Variants in RUNX1 observed in about 807,000 individuals in gnomAD.
RUNX1 encodes RUNX family transcription factor 1.
Under a neutral mutation model 42.8 loss-of-function variants are expected in RUNX1, and 19 were observed. The observed-to-expected ratio is 0.44, with a 90% confidence interval of 0.31 to 0.65. The LOEUF is 0.65. RUNX1 is among the 30% of genes least tolerant of loss of function. The pLI is 0.07. For missense variants in RUNX1, 528 were observed against 672.0 expected, an observed-to-expected ratio of 0.79 and a Z score of 2.37; for synonymous variants, 271 against 289.4, an observed-to-expected ratio of 0.94 and a Z score of 0.64.
At chr21:34,978,187 C>T (rs1253360591) in intron 2 of RUNX1, among the ~76,000 whole-genome samples, 3 of 152,202 alleles carry the variant, frequency 2.0e-5, no homozygotes, top group Non-Finnish European at 2.9e-5. Context: ...ATCCGCCCGC[C>T]TCGGCCTCCC....
intron 2 of RUNX1, among the ~76,000 whole-genome samples, 179 bp downstream of exon 2, chr21:35,048,663 C>T (rs971749452): frequency 6.6e-6 from 1 of 152,236 alleles, no homozygotes; most frequent in Non-Finnish European, 1.5e-5. Flanking sequence ...GAGCTTCCAT[C>T]TGATTAGTAA....
At chr21:34,916,405 A>G (rs903281003) in intron 2 of RUNX1, among the ~76,000 whole-genome samples, 1 of 152,218 alleles carries the variant, frequency 6.6e-6, no homozygotes, top group African/African-American at 2.4e-5. Flanking sequence ...GTAACATTTG[A>G]TGAAGGCATG....
At chr21:34,889,582 C>T (rs985332706) in intron 3 of RUNX1, 2 of 842,258 alleles carry the variant, frequency 2.4e-6, no homozygotes, top group South Asian at 3.4e-5. Flanking sequence ...GGACAGCCTG[C>T]CCGGGCCCCG....
intron 2 of RUNX1, among the ~76,000 whole-genome samples, chr21:35,005,009 C>T (rs2059073657): frequency 6.6e-6 from 1 of 152,204 alleles, no homozygotes; most frequent in Non-Finnish European, 1.5e-5. Context: ...TTAAGACTAA[C>T]CACCTCTGCT....
At chr21:35,047,157 G>A (rs2059401832) in intron 2 of RUNX1, among the ~76,000 whole-genome samples, 1 of 152,156 alleles carries the variant, frequency 6.6e-6, no homozygotes, top group South Asian at 2.1e-4. Flanking sequence ...GCCTTCCTGA[G>A]TTGATAAAAT....
At chr21:34,945,963 C>G (rs151328566) in intron 2 of RUNX1, among the ~76,000 whole-genome samples, 29 of 152,314 alleles carry the variant, frequency 1.9e-4, no homozygotes, top group African/African-American at 6.7e-4. Flanking sequence ...CTGCTTCTCA[C>G]CAAGGATCTT....
chr21:34,841,139 C>T (rs1447729919), intron 6 of RUNX1, among the ~76,000 whole-genome samples: 2 of 152,156 alleles, frequency 1.3e-5, no homozygotes, highest in African/African-American at 4.8e-5. Context: ...CCTTTTCCAT[C>T]AGTGGCAGTA....
At chr21:35,041,931 T>A (rs2059362791) in intron 2 of RUNX1, among the ~76,000 whole-genome samples, 1 of 152,190 alleles carries the variant, frequency 6.6e-6, no homozygotes, top group Admixed American at 6.5e-5. Context: ...AAAAGAATTC[T>A]CTTAAAAATT....
chr21:35,043,018 G>A (rs1037178034), intron 2 of RUNX1, among the ~76,000 whole-genome samples: 13 of 152,154 alleles, frequency 8.5e-5, no homozygotes, highest in African/African-American at 2.9e-4. Context: ...AGTATAACAC[G>A]TGTCTCCCCA....
At position 34,792,342 on chromosome 21, in the gene RUNX1, G is replaced by A. The variant is rs1298273572; in HGVS notation, c.1236C>T (p.Gly412=). 32 of 1,555,328 alleles carry A rather than the reference G, an allele frequency of 2.1e-5. No individual in the cohort carries two copies. Among genetic ancestry groups the A allele is most frequent in the Non-Finnish European group, 2.6e-5 (30 of 1,149,986 alleles). ...CGCCCACCATGGAGAACTGGTAGGA[G>A]CCGGCCGAGGCGCCGTAGTACAGGT... ...SYHLYYGASA[G]SYQFSMVGGE... The change falls in exon 9 of 9, where the codon GGC becomes GGT. Residue 412 remains glycine (G), a synonymous_variant. Coordinates refer to ENST00000675419, the MANE Select transcript of RUNX1 (RefSeq NM_001754.5). The surrounding 1 kb of genome is among the most constrained non-coding windows in gnomAD (Gnocchi z 6.9).
At chr21:34,814,854 G>C (rs1207848574) in intron 7 of RUNX1, among the ~76,000 whole-genome samples, 2 of 152,072 alleles carry the variant, frequency 1.3e-5, no homozygotes, top group Admixed American at 6.5e-5. Context: ...TCTTTGCTCT[G>C]TTTTTCAACA....
intron 6 of RUNX1, among the ~76,000 whole-genome samples, chr21:34,835,311 A>G (rs928179550): frequency 6.6e-6 from 1 of 152,036 alleles, no homozygotes; most frequent in Admixed American, 6.5e-5. Context: ...GTCTTGTCCA[A>G]TATTCCCAGC....
At chr21:34,868,320 T>A (rs561035436) in intron 5 of RUNX1, among the ~76,000 whole-genome samples, 1 of 152,174 alleles carries the variant, frequency 6.6e-6, no homozygotes, top group African/African-American at 2.4e-5. Context: ...ACCCTCCAAA[T>A]GTCCTTTCCA....
chr21:34,886,926 C>G lies in RUNX1; in HGVS notation c.268G>C (p.Val90Leu), dbSNP rs2057999447. 1 of 1,613,328 alleles carries G rather than the reference C, an allele frequency of 6.2e-7. No individual in the cohort carries two copies. The highest frequency in any genetic ancestry group is 8.5e-7 in the Non-Finnish European group (1 of 1,179,728). ...EVLADHPGEL[V>L]RTDSPNFLCS... ...AGGAAGTTGGGGCTGTCGGTGCGCA[C>G]CAGCTCGCCCGGGTGGTCGGCCAGC... Residue 90 changes from valine to leucine, a missense_variant, in exon 4 of 9, where the codon GTG (valine) becomes CTG (leucine). Physicochemically the swap from Val to Leu is conservative, Grantham distance 32 (BLOSUM62 1). Coordinates refer to ENST00000675419, the MANE Select transcript of RUNX1 (RefSeq NM_001754.5).
chr21:34,946,677 G>A (rs1327282709), intron 2 of RUNX1, among the ~76,000 whole-genome samples: 1 of 152,116 alleles, frequency 6.6e-6, no homozygotes, highest in East Asian at 1.9e-4. Context: ...TTTATCAAAG[G>A]GTACAGCTTT....
chr21:34,884,822 T>C (rs2057956970), intron 4 of RUNX1, among the ~76,000 whole-genome samples: 1 of 152,190 alleles, frequency 6.6e-6, no homozygotes, highest in Non-Finnish European at 1.5e-5. Flanking sequence ...TCTCAGGGGA[T>C]CTGCTTGAAC....
intron 8 of RUNX1, among the ~76,000 whole-genome samples, chr21:34,797,172 G>A (rs1202394812): frequency 6.6e-6 from 1 of 152,204 alleles, no homozygotes; most frequent in African/African-American, 2.4e-5. Flanking sequence ...ACTGTTCTAT[G>A]CCACTGTGAA....
chr21:34,949,177 G>C (rs1490314444), intron 2 of RUNX1, among the ~76,000 whole-genome samples: 1 of 152,186 alleles, frequency 6.6e-6, no homozygotes, highest in Admixed American at 6.5e-5. Flanking sequence ...TGATGTTTTA[G>C]TTACATTTGA....
rs191743993 is a variant in RUNX1 at position 34,791,522 on chromosome 21, T to A, written c.*613A>T. 3.1e-3 allele frequency: 710 copies of A among 231,696 alleles called. 3 individuals are homozygous for A. The highest frequency in any genetic ancestry group is 4.6e-3 in the Non-Finnish European group (534 of 117,150). The allele number at this position is 231,696 out of a possible 1,614,324, so 14.4% of individuals were successfully genotyped here. On this transcript the variant is annotated 3_prime_UTR_variant, in exon 9 of 9. Coordinates refer to ENST00000675419, the MANE Select transcript of RUNX1 (RefSeq NM_001754.5). The stretch of plus-strand genomic sequence containing the variant: ...AACTTAAAGAAAAGGGAATCATATT[T>A]CTTTCCATGGTCAAAGCAAGAAAGA...
Sources: gnomAD v4.1 joint callset for allele counts (sites outside exome capture counted in the v4.1 genomes callset) on GRCh38, gnomAD v4.1.1 for gene constraint, Gnocchi (gnomAD v3.1) non-coding constraint, MANE v1.5 for transcripts, NCBI Gene and HGNC (gene_info 2026-07-23, HGNC 2026-07-21) for gene names.